Variants in ZNF354B observed in about 807,000 individuals in gnomAD.
ZNF354B encodes zinc finger protein 354B.
A neutral mutation model predicts 12.9 loss-of-function variants in ZNF354B; 10 were observed. The observed-to-expected ratio is 0.77, with a 90% CI of 0.48 to 1.31. The LOEUF is 1.31. Ranked by LOEUF, ZNF354B falls within the 40% of genes most tolerant of loss-of-function variation. The pLI is 0.00. For missense variants in ZNF354B, 614 were observed against 711.7 expected (o/e 0.86, Z 1.56); for synonymous variants, 260 against 243.7 (o/e 1.07, Z -0.62).
At chr5:178,869,674 G>A (rs1269540780) in intron 4 of ZNF354B, among the ~76,000 whole-genome samples, 1 of 152,158 alleles carries the variant, frequency 6.6e-6, no homozygotes, top group African/African-American at 2.4e-5. Context: ...GCACCTGATA[G>A]TGTTGTCAGT....
At chr5:178,869,897 A>C (rs1757535839) in intron 4 of ZNF354B, among the ~76,000 whole-genome samples, 1 of 152,074 alleles carries the variant, frequency 6.6e-6, no homozygotes, top group Non-Finnish European at 1.5e-5. Context: ...GTCTGCCTGG[A>C]CTAAGATTGC....
intron 3 of ZNF354B, among the ~76,000 whole-genome samples, chr5:178,866,725 T>A (rs1757464069): frequency 6.6e-6 from 1 of 152,164 alleles, no homozygotes; most frequent in South Asian, 2.1e-4. Flanking sequence ...CCATTGCCTT[T>A]CCCACTGCTC....
At chr5:178,873,378 C>T (rs1757590425) in intron 4 of ZNF354B, among the ~76,000 whole-genome samples, 1 of 152,188 alleles carries the variant, frequency 6.6e-6, no homozygotes, top group African/African-American at 2.4e-5. Context: ...GTACTTAGAT[C>T]ATGAAGATTT....
intron 4 of ZNF354B, among the ~76,000 whole-genome samples, chr5:178,879,286 A>T (rs1757683613): frequency 6.6e-6 from 1 of 151,900 alleles, no homozygotes; most frequent in South Asian, 2.1e-4. Flanking sequence ...ACCTTAAGAG[A>T]TCTCCCTGCC....
At chr5:178,865,518 C>G (rs961314947) in intron 2 of ZNF354B, among the ~76,000 whole-genome samples, 1 of 152,108 alleles carries the variant, frequency 6.6e-6, no homozygotes, top group Non-Finnish European at 1.5e-5. Flanking sequence ...CCAGCCATCT[C>G]GGCCTCCCAA....
At chr5:178,868,755 G>A (rs569219335) in intron 4 of ZNF354B, among the ~76,000 whole-genome samples, 2 of 152,182 alleles carry the variant, frequency 1.3e-5, no homozygotes, top group Non-Finnish European at 2.9e-5. Flanking sequence ...GGCAGATCAC[G>A]AGGTCAGGAG....
At chr5:178,867,186 T>C in intron 4 of ZNF354B, 115 bp downstream of exon 4, 1 of 1,026,614 alleles carries the variant, frequency 9.7e-7, no homozygotes, top group South Asian at 1.3e-5. Context: ...CCTCAAGAAG[T>C]GGTGGGGAAG....
intron 4 of ZNF354B, 122 bp downstream of exon 4, chr5:178,867,193 G>A: frequency 1.1e-6 from 1 of 927,540 alleles, no homozygotes; most frequent in South Asian, 1.4e-5. Context: ...AAGTGGTGGG[G>A]AAGCGGAAGC....
At chr5:178,866,006 C>T (rs778844644) in intron 2 of ZNF354B, among the ~76,000 whole-genome samples, 1 of 152,208 alleles carries the variant, frequency 6.6e-6, no homozygotes, top group African/African-American at 2.4e-5. Context: ...AAGGGTCCCA[C>T]TAATGGCCGT....
intron 2 of ZNF354B, among the ~76,000 whole-genome samples, chr5:178,864,385 G>C (rs1411611216): frequency 6.6e-6 from 1 of 152,120 alleles, no homozygotes; most frequent in South Asian, 2.1e-4. Context: ...GTACCATATA[G>C]CCCGGGTGTG....
chr5:178,883,217 T>C lies in ZNF354B; in HGVS notation c.765T>C (p.Ser255=). ...KECLKAFSQS[S]ALIQHQRTHT... Reference sequence around the variant, plus strand: ...GTTTAAAAGCTTTCAGCCAAAGTTCTGCTCTTATTCAACATCAAAGAACTC... The same window carrying C: ...GTTTAAAAGCTTTCAGCCAAAGTTCCGCTCTTATTCAACATCAAAGAACTC... Residue 255 remains serine, a synonymous_variant, in exon 5 of 5, where the codon TCT becomes TCC. Coordinates refer to ENST00000322434, the MANE Select transcript of ZNF354B (RefSeq NM_058230.3). The C allele has an allele frequency of 6.2e-7, 1 of 1,612,972 alleles. No individual in the cohort carries two copies. The highest frequency in any genetic ancestry group is 8.5e-7 in the Non-Finnish European group (1 of 1,179,756).
At chr5:178,880,256 G>A (rs913165946) in intron 4 of ZNF354B, among the ~76,000 whole-genome samples, 5 of 149,908 alleles carry the variant, frequency 3.3e-5, no homozygotes, top group Admixed American at 1.3e-4. Context: ...CTTGAGTGCA[G>A]TGGCACGATC....
At chr5:178,868,695 G>A (rs1356933488) in intron 4 of ZNF354B, among the ~76,000 whole-genome samples, 2 of 152,140 alleles carry the variant, frequency 1.3e-5, no homozygotes, top group Non-Finnish European at 2.9e-5. Flanking sequence ...GTTTGTGGCC[G>A]GGCACAGTGG....
chr5:178,884,436 T>C lies in ZNF354B; in HGVS notation c.*145T>C. The C allele has an allele frequency of 1.2e-6, 1 of 852,550 alleles. No individual in the cohort carries two copies. 52.8% of individuals were successfully genotyped at this position (852,550 alleles called of 1,614,324 possible). A position where few individuals can be genotyped will look rare whatever the true frequency, so the allele number is the denominator to read the frequency against. On this transcript the variant is annotated 3_prime_UTR_variant, in exon 5 of 5. Transcript: ENST00000322434. ...ATGTAATAACTTATGGGAAAAGCTT[T>C]TATACTTGTCACTCACTTTTTAAAA...
At chr5:178,878,155 G>A (rs982159803) in intron 4 of ZNF354B, among the ~76,000 whole-genome samples, 12 of 152,006 alleles carry the variant, frequency 7.9e-5, no homozygotes, top group African/African-American at 2.2e-4. Context: ...AGGCCGAGGC[G>A]GGCGGATCAC....
chr5:178,872,333 T>C (rs563792311), intron 4 of ZNF354B, among the ~76,000 whole-genome samples: 11 of 152,352 alleles, frequency 7.2e-5, no homozygotes, highest in African/African-American at 2.6e-4. Flanking sequence ...TTCATTTCTT[T>C]TAATTGCTGA....
chr5:178,874,356 C>T lies in ZNF354B; in HGVS notation c.256+7285C>T, dbSNP rs923519317. ...TGCTTTCCAAGTTACTTGCCTTCTC[C>T]CCACTTCTTTCAGGGATGGCAATGA... On this transcript the variant is annotated intron_variant, in intron 4 of 4. Coordinates refer to ENST00000322434, the MANE Select transcript of ZNF354B (RefSeq NM_058230.3). Among the ~76,000 whole-genome samples the T allele has an allele frequency of 2.0e-5, 3 of 152,190 alleles. No homozygotes were observed. The East Asian group carries it at 5.8e-4, about 29-fold the overall frequency.
chr5:178,868,765 G>A (rs1347678836), intron 4 of ZNF354B, among the ~76,000 whole-genome samples: 20 of 152,136 alleles, frequency 1.3e-4, no homozygotes, highest in Non-Finnish European at 1.5e-5. Context: ...GAGGTCAGGA[G>A]ATCGAGACCA....
Position 178,866,261 on chromosome 5 carries a change from G to A in ZNF354B, c.51G>A (p.Glu17=). ...EARPQVSLTF[E]DVAVLFTWDE... Reference sequence around the variant, plus strand: ...CCTTACAGGTGTCACTGACATTCGAGGACGTGGCTGTGCTCTTTACCTGGG... The same window carrying A: ...CCTTACAGGTGTCACTGACATTCGAAGACGTGGCTGTGCTCTTTACCTGGG... Residue 17 remains glutamate, a synonymous_variant, in exon 3 of 5, where the codon GAG becomes GAA. Coordinates refer to ENST00000322434, the MANE Select transcript of ZNF354B (RefSeq NM_058230.3). The A allele has an allele frequency of 6.2e-7, 1 of 1,614,098 alleles. No individual in the cohort carries two copies. Among genetic ancestry groups the A allele is most frequent in the Non-Finnish European group, 8.5e-7 (1 of 1,179,980 alleles).
Sources: gnomAD v4.1 joint callset for allele counts (sites outside exome capture counted in the v4.1 genomes callset) on GRCh38, gnomAD v4.1.1 for gene constraint, MANE v1.5 for transcripts, NCBI Gene and HGNC (gene_info 2026-07-23, HGNC 2026-07-21) for gene names.